CNTN4: variants seen among roughly 807,000 people sequenced by gnomAD.
The protein encoded by CNTN4 is contactin-4.
Under a neutral mutation model 122.5 loss-of-function variants are expected in CNTN4, and 77 were observed. That is an observed-to-expected ratio of 0.63 (90% CI 0.52 to 0.76). CNTN4 has a LOEUF of 0.76. CNTN4 is among the 30% of genes least tolerant of loss of function. The pLI is 0.00. For synonymous variants in CNTN4, 512 were observed against 447.0 expected (o/e 1.15, Z -1.83); for missense variants, 1,256 against 1,259.1 (o/e 1.00, Z 0.04).
intron 3 of CNTN4, among the ~76,000 whole-genome samples, chr3:2,388,582 C>T (rs1222061370): frequency 5.3e-5 from 8 of 152,200 alleles, no homozygotes; most frequent in South Asian, 4.1e-4. Context: ...CAGAGGCTTA[C>T]GCCTGTAATC....
In CNTN4 at chr3:2,139,916, CT is replaced by C. The variant is rs575971235; in HGVS notation, c.-145+39279del. ...GTCTGTGTACCCACCCAAATTTAAT[CT>C]TGAATTGTAATCCCTATAATTCCCA... On this transcript the variant is annotated intron_variant, in intron 2 of 24. Transcript: ENST00000418658. Among the ~76,000 whole-genome samples the C allele has an allele frequency of 9.8e-5, 15 of 152,350 alleles. No homozygotes were observed. The South Asian group carries it at 3.1e-3, about 32-fold the overall frequency.
intron 4 of CNTN4, among the ~76,000 whole-genome samples, chr3:2,695,311 C>T (rs74611412): frequency 6.6e-6 from 1 of 152,202 alleles, no homozygotes; most frequent in African/African-American, 2.4e-5. Flanking sequence ...TCTCTAACAT[C>T]TTCCAGCCAG....
chr3:2,518,134 A>T (rs191147765), intron 3 of CNTN4, among the ~76,000 whole-genome samples: 1 of 131,718 alleles, frequency 7.6e-6, no homozygotes, highest in Non-Finnish European at 1.6e-5. Flanking sequence ...CATTTAAGAG[A>T]TGTGAAAGGC....
intron 12 of CNTN4, among the ~76,000 whole-genome samples, chr3:2,911,396 T>C (rs6803684): frequency 0.51 from 78,049 of 152,046 alleles, 20,244 homozygotes; most frequent in East Asian, 0.65. Flanking sequence ...CCAGAGAAGA[T>C]GCATCATCAG....
At chr3:3,038,458 C>T (rs1699826207) in intron 18 of CNTN4, among the ~76,000 whole-genome samples, 1 of 152,208 alleles carries the variant, frequency 6.6e-6, no homozygotes, top group Non-Finnish European at 1.5e-5. Context: ...CCCCCCGCTT[C>T]TCCATGCTGA....
intron 2 of CNTN4, among the ~76,000 whole-genome samples, chr3:2,273,313 G>T (rs914124674): frequency 1.2e-4 from 19 of 152,112 alleles, no homozygotes; most frequent in African/African-American, 4.6e-4. Flanking sequence ...AGACTCTCAG[G>T]ATTCCCTTCA....
chr3:2,206,521 A>G (rs974340302), intron 2 of CNTN4, among the ~76,000 whole-genome samples: 1 of 145,430 alleles, frequency 6.9e-6, no homozygotes, highest in African/African-American at 2.6e-5. Context: ...GAAAAAAATA[A>G]GAAGACATAT....
chr3:2,263,118 T>A (rs773037727), intron 2 of CNTN4, among the ~76,000 whole-genome samples: 1 of 152,158 alleles, frequency 6.6e-6, no homozygotes, highest in Admixed American at 6.6e-5. Context: ...TGTGGCCATG[T>A]GTCCAGCTAA....
At chr3:2,644,926 A>G (rs1285592750) in intron 4 of CNTN4, among the ~76,000 whole-genome samples, 2 of 150,672 alleles carry the variant, frequency 1.3e-5, no homozygotes, top group Non-Finnish European at 2.9e-5. Flanking sequence ...GGCTTCATGA[A>G]TTAATGCCTC....
At chr3:2,673,090 C>G (rs1380038058) in intron 4 of CNTN4, among the ~76,000 whole-genome samples, 1 of 152,116 alleles carries the variant, frequency 6.6e-6, no homozygotes, top group East Asian at 1.9e-4. Context: ...TCTCTCCGGT[C>G]AATACAATAT....
At chr3:2,201,351 A>G (rs369909614) in intron 2 of CNTN4, among the ~76,000 whole-genome samples, 1 of 152,214 alleles carries the variant, frequency 6.6e-6, no homozygotes, top group South Asian at 2.1e-4. Context: ...AAAATATTTA[A>G]CCAGCAGTAA....
intron 4 of CNTN4, among the ~76,000 whole-genome samples, chr3:2,601,149 G>T (rs2081026717): frequency 6.6e-6 from 1 of 152,102 alleles, no homozygotes; most frequent in Admixed American, 6.6e-5. Flanking sequence ...CATTCTGTAG[G>T]TTGCCTGTTC....
intron 6 of CNTN4, among the ~76,000 whole-genome samples, chr3:2,762,169 C>T (rs543060615): frequency 2.0e-5 from 3 of 152,138 alleles, no homozygotes; most frequent in Middle Eastern, 3.4e-3. Flanking sequence ...AGTAGAAAAG[C>T]GGGAATGAAG....
At position 2,291,828 on chromosome 3, in the gene CNTN4, G is replaced by A. The variant is rs573994739; in HGVS notation, c.-144-47350G>A. 8.4e-4 allele frequency among the ~76,000 whole-genome samples: 128 copies of A among 152,226 alleles called. 1 individual carries two copies. The highest frequency in any genetic ancestry group is 3.4e-3 in the Middle Eastern group (1 of 294). On this transcript the variant is annotated intron_variant, in intron 2 of 24. Coordinates refer to ENST00000418658, the MANE Select transcript of CNTN4 (RefSeq NM_175607.3). ...GGCTCACTGCAACCTCCGCCTCCCA[G>A]GTTGAAGAGATTTTCCTGCCTCTGC... is the stretch of plus-strand genomic sequence containing the variant.
chr3:2,165,890 C>T (rs559309401), intron 2 of CNTN4, among the ~76,000 whole-genome samples: 21 of 152,056 alleles, frequency 1.4e-4, no homozygotes, highest in Admixed American at 4.6e-4. Flanking sequence ...AAATGTTCAG[C>T]TGTGTGGAAT....
intron 2 of CNTN4, among the ~76,000 whole-genome samples, chr3:2,303,135 T>C (rs1263129476): frequency 6.6e-6 from 1 of 152,208 alleles, no homozygotes; most frequent in Non-Finnish European, 1.5e-5. Flanking sequence ...AGGTAACTTT[T>C]CAATCATTCC....
chr3:2,754,247 T>C (rs1475816738), intron 6 of CNTN4, among the ~76,000 whole-genome samples: 1 of 152,210 alleles, frequency 6.6e-6, no homozygotes, highest in Non-Finnish European at 1.5e-5. Context: ...TTTGGGGCCT[T>C]CATCCTGGAA....
chr3:2,984,513 G>T (rs973532616), intron 13 of CNTN4, among the ~76,000 whole-genome samples: 1 of 152,164 alleles, frequency 6.6e-6, no homozygotes, highest in Non-Finnish European at 1.5e-5. Flanking sequence ...CCAAAATGTC[G>T]TCAGTGCCAA....
At chr3:2,677,482 A>ATC (rs1414164953) in intron 4 of CNTN4, among the ~76,000 whole-genome samples, 108 of 121,040 alleles carry the variant, frequency 8.9e-4, no homozygotes, top group Non-Finnish European at 1.3e-3. Flanking sequence ...CTATCCATCT[A>ATC]TATCTATCTA....
Sources: allele counts gnomAD v4.1 joint callset (sites outside exome capture counted in the v4.1 genomes callset), GRCh38; gene constraint gnomAD v4.1.1; transcripts MANE v1.5; gene names NCBI Gene and HGNC (gene_info 2026-07-23, HGNC 2026-07-21).